The following TMPRSS11B variants were observed in gnomAD, a reference collection of about 807,000 sequenced individuals.
TMPRSS11B encodes transmembrane serine protease 11B.
A neutral mutation model predicts 44.7 loss-of-function variants in TMPRSS11B; 53 were observed. The observed-to-expected ratio is 1.19, with a 90% confidence interval of 0.95 to 1.49. The LOEUF (loss-of-function observed/expected upper bound fraction) is 1.49, where lower values mean the gene tolerates loss of function less well. Ranked by LOEUF, TMPRSS11B falls within the 40% of genes most tolerant of loss-of-function variation. The pLI is 0.00. For synonymous variants in TMPRSS11B, 140 were observed against 159.2 expected, an observed-to-expected ratio of 0.88 and a Z score of 0.91; for missense variants, 526 against 494.8, an observed-to-expected ratio of 1.06 and a Z score of -0.60.
intron 5 of TMPRSS11B, 107 bp downstream of exon 5, chr4:68,234,355 AT>A: frequency 2.2e-5 from 26 of 1,203,716 alleles, no homozygotes; most frequent in Non-Finnish European, 3.0e-5. Context: ...AGGTACGCAT[AT>A]TTTTTTCCCG....
At position 68,241,810 on chromosome 4, in the gene TMPRSS11B, A is replaced by G; in HGVS notation, c.9-6T>C. ...TTTGGGAAGATATGCCGTGCCTATGAAAGAGGAAAATTTTGGTTCAAATCA... is the reference window on the plus strand; with the variant it reads ...TTTGGGAAGATATGCCGTGCCTATGGAAGAGGAAAATTTTGGTTCAAATCA... On this transcript the variant is annotated splice_polypyrimidine_tract_variant and splice_region_variant and intron_variant, in intron 1 of 9. Transcript: ENST00000332644. 1 of 1,597,870 alleles carries G rather than the reference A, an allele frequency of 6.3e-7. No individual in the cohort carries two copies. The highest frequency in any genetic ancestry group is 8.6e-7 in the Non-Finnish European group (1 of 1,165,790).
chr4:68,242,261 TATATA>T (rs1324984609), intron 1 of TMPRSS11B, among the ~76,000 whole-genome samples: 3,670 of 56,794 alleles, frequency 0.065, 207 homozygotes, highest in African/African-American at 0.14. Context: ...TATTATAATA[TATATA>T]ATATAATATT....
Position 68,231,390 on chromosome 4 carries a change from G to A in TMPRSS11B, c.509-10C>T. On this transcript the variant is annotated splice_polypyrimidine_tract_variant and intron_variant, in intron 6 of 9. Transcript: ENST00000332644. Reference sequence around the variant, plus strand: ...ACTTGTCTCCCACAACCTAGAGAAAGGATTTATTTACACGAGAGCAGGTAT... The same window carrying A: ...ACTTGTCTCCCACAACCTAGAGAAAAGATTTATTTACACGAGAGCAGGTAT... The A allele has an allele frequency of 6.2e-7, 1 of 1,601,916 alleles. No homozygotes were observed. Among genetic ancestry groups the A allele is most frequent in the Non-Finnish European group, 8.5e-7 (1 of 1,174,220 alleles).
chr4:68,234,052 G>T (rs1020512527), intron 5 of TMPRSS11B, among the ~76,000 whole-genome samples: 4 of 151,628 alleles, frequency 2.6e-5, no homozygotes, highest in South Asian at 2.1e-4. Context: ...GATGCTTGTA[G>T]TCCCAGGCTG....
intron 6 of TMPRSS11B, 61 bp from the exon 7 acceptor site, chr4:68,231,441 A>G (rs1719513987): frequency 4.3e-6 from 6 of 1,406,304 alleles, no homozygotes; most frequent in Admixed American, 2.3e-5. Flanking sequence ...ATAAAAAAAT[A>G]TATCATTAAA....
At chr4:68,243,401 C>T (rs1199184846) in intron 1 of TMPRSS11B, among the ~76,000 whole-genome samples, 2 of 151,998 alleles carry the variant, frequency 1.3e-5, no homozygotes, top group African/African-American at 4.8e-5. Flanking sequence ...AATTTGTTTC[C>T]TCTTCACTCT....
intron 3 of TMPRSS11B, 27 bp from the exon 4 acceptor site, chr4:68,236,096 A>G: frequency 6.3e-7 from 1 of 1,574,830 alleles, no homozygotes; most frequent in Non-Finnish European, 8.6e-7. Flanking sequence ...AACAGTCATC[A>G]TGTATGTTTC....
chr4:68,230,361 G>A (rs1266491864), intron 7 of TMPRSS11B, among the ~76,000 whole-genome samples: 2 of 152,028 alleles, frequency 1.3e-5, no homozygotes, highest in African/African-American at 2.4e-5. Flanking sequence ...TTTGTAATAC[G>A]TGTCATGTTT....
chr4:68,230,764 A>G (rs560642105), intron 7 of TMPRSS11B, among the ~76,000 whole-genome samples: 74 of 150,424 alleles, frequency 4.9e-4, no homozygotes, highest in African/African-American at 1.7e-3. Flanking sequence ...AGATCGCACC[A>G]TTGCACTCCA....
At chr4:68,230,829 A>G (rs930059341) in intron 7 of TMPRSS11B, among the ~76,000 whole-genome samples, 1 of 150,942 alleles carries the variant, frequency 6.6e-6, no homozygotes, top group African/African-American at 2.4e-5. Flanking sequence ...GAGCTGAGTG[A>G]TCTTAGCCAA....
At chr4:68,233,870 G>T (rs1183205926) in intron 5 of TMPRSS11B, among the ~76,000 whole-genome samples, 2 of 151,926 alleles carry the variant, frequency 1.3e-5, no homozygotes, top group Non-Finnish European at 2.9e-5. Flanking sequence ...AAAGCAAGGA[G>T]TAGAAAAGAA....
chr4:68,231,390 G>T lies in TMPRSS11B; in HGVS notation c.509-10C>A, dbSNP rs776162533. On this transcript the variant is annotated splice_polypyrimidine_tract_variant and intron_variant, in intron 6 of 9. Transcript: ENST00000332644. ...ACTTGTCTCCCACAACCTAGAGAAAGGATTTATTTACACGAGAGCAGGTAT... is the reference window on the plus strand; with the variant it reads ...ACTTGTCTCCCACAACCTAGAGAAATGATTTATTTACACGAGAGCAGGTAT... The T allele has an allele frequency of 2.0e-5, 32 of 1,601,918 alleles. No individual in the cohort carries two copies. The highest frequency in any genetic ancestry group is 2.7e-5 in the Non-Finnish European group (32 of 1,174,220).
chr4:68,228,708 G>C, intron 9 of TMPRSS11B, 34 bp downstream of exon 9: 2 of 1,558,806 alleles, frequency 1.3e-6, no homozygotes, highest in Non-Finnish European at 1.7e-6. Context: ...TGATTAACTG[G>C]GAGAAAACAA....
chr4:68,232,248 G>A (rs1719536206), intron 6 of TMPRSS11B, 130 bp downstream of exon 6: 4 of 700,290 alleles, frequency 5.7e-6, no homozygotes, highest in Admixed American at 6.2e-5. Context: ...TCAATATCTG[G>A]TATATCTAGT....
intron 5 of TMPRSS11B, among the ~76,000 whole-genome samples, chr4:68,233,378 G>A (rs1434420596): frequency 6.6e-6 from 1 of 152,118 alleles, no homozygotes. Context: ...CCATGAAACT[G>A]GACTCTGAAA....
chr4:68,228,927 T>G (rs1274194525), intron 8 of TMPRSS11B, 43 bp from the exon 9 acceptor site: 5 of 1,586,336 alleles, frequency 3.2e-6, no homozygotes, highest in Non-Finnish European at 4.3e-6. Flanking sequence ...TCTTAGACTT[T>G]GCTGGGACAA....
chr4:68,241,701 A>G lies in TMPRSS11B; in HGVS notation c.112T>C (p.Phe38Leu), dbSNP rs1719826393. Residue 38 changes from phenylalanine (F) to leucine (L), a missense_variant, in exon 2 of 10, where the codon TTT (phenylalanine) becomes CTT (leucine). Transcript: ENST00000332644. ...LGVTIGLLVH[F>L]LAVEKTYYYQ... is the part of the protein sequence containing the mutation. ...AATCAGTACTCACCAACTGCCAGAA[A>G]ATGAACAAGAAGACCAATGGTTACT... The G allele has an allele frequency of 1.9e-6, 3 of 1,610,940 alleles. No individual in the cohort carries two copies. Among genetic ancestry groups the G allele is most frequent in the African/African-American group, 2.7e-5 (2 of 74,792 alleles).
intron 6 of TMPRSS11B, 125 bp downstream of exon 6, chr4:68,232,253 T>C (rs1381904061): frequency 9.0e-6 from 7 of 781,642 alleles, no homozygotes; most frequent in African/African-American, 1.8e-5. Flanking sequence ...ATCTGGTATA[T>C]CTAGTAATTC....
chr4:68,233,124 T>C (rs1719564941), intron 5 of TMPRSS11B, among the ~76,000 whole-genome samples: 1 of 151,884 alleles, frequency 6.6e-6, no homozygotes, highest in Non-Finnish European at 1.5e-5. Flanking sequence ...AAAGAAACAC[T>C]AGAAAATGCT....
Sources: allele counts gnomAD v4.1 joint callset (sites outside exome capture counted in the v4.1 genomes callset), GRCh38; gene constraint gnomAD v4.1.1; transcripts MANE v1.5; gene names NCBI Gene and HGNC (gene_info 2026-07-23, HGNC 2026-07-21).